RPTOR: variants seen among roughly 807,000 people sequenced by gnomAD.
RPTOR encodes regulatory-associated protein of mTOR.
Under a neutral mutation model 169.9 loss-of-function variants are expected in RPTOR, and 21 were observed. The observed-to-expected ratio is 0.12, with a 90% CI of 0.09 to 0.18. RPTOR has a LOEUF of 0.18. Ranked by LOEUF, RPTOR falls within the 10% of genes least tolerant of loss-of-function variation. The pLI, the probability that RPTOR is intolerant of heterozygous loss-of-function variation, is 1.00. For synonymous variants in RPTOR, 732 were observed against 753.2 expected (o/e 0.97, Z 0.46); for missense variants, 1,133 against 1,855.9 (o/e 0.61, Z 7.16).
At position 80,681,792 on chromosome 17, in the gene RPTOR, G is replaced by A. The variant is rs1047731850; in HGVS notation, c.349-26049G>A. Among the ~76,000 whole-genome samples the A allele has an allele frequency of 5.8e-5, 3 of 51,586 alleles. 1 individual carries two copies. The highest frequency in any genetic ancestry group is 2.6e-4 in the African/African-American group (2 of 7,812). The allele number at this position is 51,586 out of a possible 152,430, so 33.8% of individuals were successfully genotyped here. ...TGTACGTCTCTTACACCTTCATGAG[G>A]TGTACGTCTCTTACACCTTCTTGAG... On this transcript the variant is annotated intron_variant, in intron 3 of 33. Coordinates refer to ENST00000306801, the MANE Select transcript of RPTOR (RefSeq NM_020761.3).
intron 1 of RPTOR, among the ~76,000 whole-genome samples, chr17:80,561,263 G>GTGTATATATATATATA (rs1297941814): frequency 0.019 from 372 of 19,548 alleles, 9 homozygotes; most frequent in Middle Eastern, 0.04. Context: ...ATATATATAT[G>GTGTATATATATATATA]TATATATATA....
chr17:80,648,851 G>C (rs765886350), intron 3 of RPTOR, among the ~76,000 whole-genome samples: 7 of 152,092 alleles, frequency 4.6e-5, no homozygotes, highest in Non-Finnish European at 5.9e-5. Flanking sequence ...TCATAGGGGC[G>C]GGTCTTTCCT....
chr17:80,606,694 T>A (rs1022720114), intron 1 of RPTOR, among the ~76,000 whole-genome samples: 4 of 152,204 alleles, frequency 2.6e-5, no homozygotes, highest in African/African-American at 7.2e-5. Context: ...ATCTTCTGTC[T>A]GAATGGATCT....
intron 2 of RPTOR, among the ~76,000 whole-genome samples, chr17:80,636,040 G>C (rs1040216236): frequency 6.6e-6 from 1 of 152,134 alleles, no homozygotes; most frequent in African/African-American, 2.4e-5. Context: ...GCATTTTGAG[G>C]TCTATTACTA....
At chr17:80,685,984 C>T (rs1205097672) in intron 3 of RPTOR, among the ~76,000 whole-genome samples, 2 of 151,934 alleles carry the variant, frequency 1.3e-5, no homozygotes, top group Non-Finnish European at 2.9e-5. Context: ...CCTGGAGGGA[C>T]ATAAGCATGG....
intron 24 of RPTOR, among the ~76,000 whole-genome samples, chr17:80,931,389 A>G (rs2068895400): frequency 6.6e-6 from 1 of 152,214 alleles, no homozygotes; most frequent in Non-Finnish European, 1.5e-5. Flanking sequence ...CTCACCTGAA[A>G]TTGGCAGTGG....
chr17:80,869,315 A>G (rs984640394), intron 13 of RPTOR, among the ~76,000 whole-genome samples: 2 of 152,078 alleles, frequency 1.3e-5, no homozygotes, highest in Non-Finnish European at 2.9e-5. Flanking sequence ...GCCTGCCACC[A>G]TGCCTGGCTA....
chr17:80,744,865 T>TCCTGGTTACTAGCACAGC (rs2066552031), intron 5 of RPTOR, among the ~76,000 whole-genome samples: 1 of 50,468 alleles, frequency 2.0e-5, no homozygotes, highest in African/African-American at 1.0e-4. Flanking sequence ...ACTAGCACTG[T>TCCTGGTTACTAGCACAGC]CCTGGTTACG....
At chr17:80,955,240 G>T (rs1426170578) in intron 28 of RPTOR, among the ~76,000 whole-genome samples, 1 of 152,246 alleles carries the variant, frequency 6.6e-6, no homozygotes, top group East Asian at 1.9e-4. Flanking sequence ...AGCTGCAATT[G>T]CAGGGCAGCC....
At chr17:80,798,705 G>A (rs897459836) in intron 7 of RPTOR, among the ~76,000 whole-genome samples, 3 of 152,070 alleles carry the variant, frequency 2.0e-5, no homozygotes, top group Admixed American at 6.5e-5. Flanking sequence ...GCCAAGGGGG[G>A]GCCAAGGCAC....
chr17:80,829,948 C>T (rs577685089), intron 9 of RPTOR, among the ~76,000 whole-genome samples: 3 of 152,056 alleles, frequency 2.0e-5, no homozygotes, highest in Non-Finnish European at 4.4e-5. Flanking sequence ...AGGATGCCAG[C>T]GTGAATCTAG....
At chr17:80,889,172 G>A (rs2068285451) in intron 17 of RPTOR, among the ~76,000 whole-genome samples, 1 of 152,256 alleles carries the variant, frequency 6.6e-6, no homozygotes, top group Non-Finnish European at 1.5e-5. Context: ...GCTCACAGGT[G>A]GAGAGGGTAC....
At position 80,797,675 on chromosome 17, in the gene RPTOR, C is replaced by T. The variant is rs193133932; in HGVS notation, c.890+6166C>T. Among the ~76,000 whole-genome samples, 338 of 152,304 alleles carry T rather than the reference C, an allele frequency of 2.2e-3. 1 individual carries two copies. Among genetic ancestry groups the T allele is most frequent in the African/African-American group, 7.8e-3 (324 of 41,568 alleles). On this transcript the variant is annotated intron_variant, in intron 7 of 33. Transcript: ENST00000306801. ...CTATGTTTAATAGTGTCTTCCATGC[C>T]GCTGTGGTTTTTACAGTCAGAGGAC...
chr17:80,957,687 G>A lies in RPTOR; in HGVS notation c.3434G>A (p.Arg1145Gln), dbSNP rs2144089334. The A allele has an allele frequency of 6.2e-7, 1 of 1,614,120 alleles. No homozygotes were observed. The highest frequency in any genetic ancestry group is 8.5e-7 in the Non-Finnish European group (1 of 1,180,028). The stretch of plus-strand genomic sequence containing the variant: ...CTCCTCATGAGCTCAGGAGACGTGC[G>A]GATCGTCCGGATCTGGGACACAGAC... ...TGLLMSSGDV[R>Q]IVRIWDTDRE... Residue 1145 changes from arginine (R) to glutamine (Q), a missense_variant, in exon 29 of 34, where the codon CGG (arginine) becomes CAG (glutamine). Arg to Gln is a conservative substitution (Grantham distance 43, BLOSUM62 1). This residue lies in a region of RPTOR where 410 missense variants were observed against 623.7 expected (regional missense o/e 0.66). Coordinates refer to ENST00000306801, the MANE Select transcript of RPTOR (RefSeq NM_020761.3). The surrounding 1 kb of genome is among the most constrained non-coding windows in gnomAD (Gnocchi z 4.6).
In RPTOR at chr17:80,707,822, A is replaced by G. The variant is rs1394462632; in HGVS notation, c.349-19A>G. On this transcript the variant is annotated intron_variant, in intron 3 of 33. Coordinates refer to ENST00000306801, the MANE Select transcript of RPTOR (RefSeq NM_020761.3). The surrounding 1 kb of genome is among the most constrained non-coding windows in gnomAD (Gnocchi z 5.0). Reference sequence around the variant, plus strand: ...CCTGGAGTCCGTGGTAAATTTCTTCATTTCTTCTCCTGCAACAGGCCCGGT... The same window carrying G: ...CCTGGAGTCCGTGGTAAATTTCTTCGTTTCTTCTCCTGCAACAGGCCCGGT... The G allele has an allele frequency of 2.5e-6, 4 of 1,605,326 alleles. No homozygotes were observed.
chr17:80,706,445 C>T (rs1029524126), intron 3 of RPTOR, among the ~76,000 whole-genome samples: 1 of 152,208 alleles, frequency 6.6e-6, no homozygotes. Context: ...CTCCTTGGCC[C>T]GTTCTCCTCA....
rs558732766 is a variant in RPTOR at position 80,742,743 on chromosome 17, CACAT to C, written c.655-11262_655-11259del. Among the ~76,000 whole-genome samples, 19 of 152,168 alleles carry C rather than the reference CACAT, an allele frequency of 1.2e-4. No individual in the cohort carries two copies. In the East Asian group the frequency reaches 2.5e-3, roughly 20 times the overall value. On this transcript the variant is annotated intron_variant, in intron 5 of 33. Transcript: ENST00000306801. The stretch of plus-strand genomic sequence containing the variant: ...ACACACATACACATGCATGTGCGCA[CACAT>C]ACATGCACATATAGACACGCACATG...
chr17:80,638,364 G>T (rs1218877236), intron 2 of RPTOR, among the ~76,000 whole-genome samples: 1 of 151,906 alleles, frequency 6.6e-6, no homozygotes, highest in Non-Finnish European at 1.5e-5. Context: ...TGAAACCTTG[G>T]CTCTTTGGGG....
In RPTOR at chr17:80,708,082, T is replaced by G. The variant is rs1467690763; in HGVS notation, c.507+83T>G. On this transcript the variant is annotated intron_variant, in intron 4 of 33. Transcript: ENST00000306801. The surrounding 1 kb of genome is among the most constrained non-coding windows in gnomAD (Gnocchi z 4.2). ...GGTCGGAGCAGGTCCTGCCCATCCG[T>G]AGCTTCTGTTAAGCCATTGATGTTT... 7.4e-7 allele frequency: 1 copy of G among 1,347,188 alleles called. No homozygotes were observed. Among genetic ancestry groups the G allele is most frequent in the African/African-American group, 1.5e-5 (1 of 68,808 alleles). The allele number at this position is 1,347,188 out of a possible 1,614,324, so 83.5% of individuals were successfully genotyped here.
Sources: allele counts gnomAD v4.1 joint callset (sites outside exome capture counted in the v4.1 genomes callset), GRCh38; gene constraint gnomAD v4.1.1; regional missense constraint gnomAD v4.1.1; non-coding constraint Gnocchi (gnomAD v3.1); transcripts MANE v1.5; gene names NCBI Gene and HGNC (gene_info 2026-07-23, HGNC 2026-07-21).